ACSF2: variants seen among roughly 807,000 people sequenced by gnomAD.
ACSF2 encodes medium-chain acyl-CoA ligase ACSF2, mitochondrial.
ACSF2 carries 52 observed loss-of-function variants against 79.3 expected under a neutral mutation model. That is an observed-to-expected ratio of 0.66 (90% CI 0.53 to 0.83). The LOEUF is 0.83. Ranked by LOEUF, ACSF2 falls within the 40% of genes least tolerant of loss-of-function variation. The pLI is 0.00. For missense variants in ACSF2, 661 were observed against 803.3 expected (o/e 0.82, Z 2.14); for synonymous variants, 283 against 312.6 (o/e 0.91, Z 1.00).
At chr17:50,444,284 G>A (rs1483607082) in intron 1 of ACSF2, among the ~76,000 whole-genome samples, 1 of 152,162 alleles carries the variant, frequency 6.6e-6, no homozygotes, top group African/African-American at 2.4e-5. Flanking sequence ...TGGGCGCAGT[G>A]GCTCACACCT....
intron 1 of ACSF2, among the ~76,000 whole-genome samples, chr17:50,435,797 T>C (rs1173349548): frequency 1.3e-5 from 2 of 152,124 alleles, no homozygotes; most frequent in East Asian, 1.9e-4. Context: ...GTGAGTTTTT[T>C]TTTTTAGATG....
At position 50,474,069 on chromosome 17, in the gene ACSF2, C is replaced by G. The variant is rs957560051; in HGVS notation, c.1728+65C>G. On this transcript the variant is annotated intron_variant, in intron 14 of 15. Coordinates refer to ENST00000300441, the MANE Select transcript of ACSF2 (RefSeq NM_025149.6). The surrounding 1 kb of genome is among the most constrained non-coding windows in gnomAD (Gnocchi z 4.2). Reference sequence around the variant, plus strand: ...CTTTGCTCACCCACTCCTCTGCCAACCAGCCCAGGGTGGGGATTGCTCTGC... The same window carrying G: ...CTTTGCTCACCCACTCCTCTGCCAAGCAGCCCAGGGTGGGGATTGCTCTGC... 13 of 1,561,832 alleles carry G rather than the reference C, an allele frequency of 8.3e-6. No individual in the cohort carries two copies. The highest frequency in any genetic ancestry group is 1.1e-5 in the Non-Finnish European group (13 of 1,148,546).
intron 1 of ACSF2, among the ~76,000 whole-genome samples, chr17:50,426,686 A>C (rs932880655): frequency 2.0e-5 from 3 of 152,144 alleles, no homozygotes; most frequent in African/African-American, 7.2e-5. Context: ...TTTAAGGAGA[A>C]TATTCCGATG....
chr17:50,450,866 G>C (rs1384966835), intron 1 of ACSF2: 2 of 152,224 alleles, frequency 1.3e-5, no homozygotes, highest in Admixed American at 6.5e-5. Flanking sequence ...TCTGTTGCTG[G>C]ACATTTGGTT....
intron 10 of ACSF2, chr17:50,468,923 C>T (rs1400616738): frequency 5.0e-6 from 7 of 1,406,964 alleles, no homozygotes; most frequent in Non-Finnish European, 5.5e-6. Flanking sequence ...TGGCCCTGAC[C>T]GCAGCCGGCA....
chr17:50,429,575 A>G (rs1166565137), intron 1 of ACSF2, among the ~76,000 whole-genome samples: 1 of 150,848 alleles, frequency 6.6e-6, no homozygotes, highest in African/African-American at 2.5e-5. Flanking sequence ...GCTGGAGTGC[A>G]ATGGCATGAT....
chr17:50,426,352 TG>T lies in ACSF2; in HGVS notation c.93del (p.Trp31CysfsTer70). 1 of 1,423,950 alleles carries T rather than the reference TG, an allele frequency of 7.0e-7. No homozygotes were observed. The highest frequency in any genetic ancestry group is 9.2e-7 in the Non-Finnish European group (1 of 1,082,166). The allele number at this position is 1,423,950 out of a possible 1,614,324, so 88.2% of individuals were successfully genotyped here. A position where few individuals can be genotyped will look rare whatever the true frequency, so the allele number is the denominator to read the frequency against. On this transcript the variant is annotated frameshift_variant, in exon 1 of 16. Transcript: ENST00000300441. LOFTEE classifies it high-confidence loss of function. ...LGARAALSRSWQEARLQGVRF... is the reference protein window; with the variant it reads ...LGARAALSRSXQEARLQGVRF... The stretch of plus-strand genomic sequence containing the variant: ...GGCCCGGGCCGCCCTCTCTCGGAGT[TG>T]GCAGGAAGCCAGGTTGCAGGGTGTC...
At chr17:50,461,557 C>A in intron 3 of ACSF2, 76 bp from the exon 4 acceptor site, 1 of 1,606,826 alleles carries the variant, frequency 6.2e-7, no homozygotes, top group South Asian at 1.1e-5. Flanking sequence ...TGCCTCTATG[C>A]CTCCTGGGGG....
At chr17:50,442,331 T>A in intron 1 of ACSF2, among the ~76,000 whole-genome samples, 1 of 150,858 alleles carries the variant, frequency 6.6e-6, no homozygotes, top group Admixed American at 6.6e-5. Context: ...AACAATTTTT[T>A]TTTTTTTTTT....
intron 9 of ACSF2, 136 bp from the exon 10 acceptor site, chr17:50,464,082 G>A (rs2277630): frequency 1.5e-5 from 19 of 1,231,916 alleles, no homozygotes; most frequent in African/African-American, 3.0e-5. Flanking sequence ...CCAGCCCAGG[G>A]CCAGCTGCCA....
chr17:50,432,754 C>T (rs1346412124), intron 1 of ACSF2, among the ~76,000 whole-genome samples: 1 of 152,162 alleles, frequency 6.6e-6, no homozygotes, highest in Non-Finnish European at 1.5e-5. Flanking sequence ...AAAGCAAATC[C>T]CAGTCCTACC....
Position 50,464,480 on chromosome 17 carries a change from G to A in ACSF2, c.1215+186G>A, listed in dbSNP as rs140186676. The A allele has an allele frequency of 1.1e-3, 755 of 706,416 alleles. 2 individuals are homozygous for A. The African/African-American group carries it at 0.012, about 11-fold the overall frequency. The allele number at this position is 706,416 out of a possible 1,614,324, so 43.8% of individuals were successfully genotyped here. On this transcript the variant is annotated intron_variant, in intron 10 of 15. Coordinates refer to ENST00000300441, the MANE Select transcript of ACSF2 (RefSeq NM_025149.6). ...AGCACCTGGTGGGTGAAGGAGATAGGTGGCAGGGGAGTAAATATAATACAT... is the reference window on the plus strand; with the variant it reads ...AGCACCTGGTGGGTGAAGGAGATAGATGGCAGGGGAGTAAATATAATACAT...
chr17:50,449,512 C>G (rs2031528315), intron 1 of ACSF2, among the ~76,000 whole-genome samples: 2 of 150,500 alleles, frequency 1.3e-5, no homozygotes, highest in Non-Finnish European at 3.0e-5. Context: ...TCTTGCCATT[C>G]TCCTGCCTCA....
chr17:50,472,219 T>C, intron 11 of ACSF2: 2 of 550,788 alleles, frequency 3.6e-6, no homozygotes, highest in Non-Finnish European at 6.2e-6. Context: ...CAGCTCTTCT[T>C]TCATGCCCAG....
intron 1 of ACSF2, among the ~76,000 whole-genome samples, chr17:50,443,925 T>C (rs1329180410): frequency 6.6e-6 from 1 of 152,202 alleles, no homozygotes; most frequent in Non-Finnish European, 1.5e-5. Context: ...ACTGATTGCA[T>C]AAAGCCAGCA....
chr17:50,461,712 C>T, intron 4 of ACSF2, 26 bp downstream of exon 4: 1 of 1,613,696 alleles, frequency 6.2e-7, no homozygotes, highest in Non-Finnish European at 8.5e-7. Flanking sequence ...CGGGGAGGGG[C>T]CCGGCTGGGG....
At position 50,462,293 on chromosome 17, in the gene ACSF2, A is replaced by G; in HGVS notation, c.617A>G (p.Lys206Arg). ...GAGAATGCCCAGCCAGGGGCCTTGAAGAGTCAGAGGTGGGTGTGTCCCAGG... is the reference window on the plus strand; with the variant it reads ...GAGAATGCCCAGCCAGGGGCCTTGAGGAGTCAGAGGTGGGTGTGTCCCAGG... ...EVENAQPGAL[K>R]SQRLPDLTTV... Residue 206 changes from lysine (K) to arginine (R), a missense_variant, in exon 5 of 16, where the codon AAG becomes AGG. By Grantham distance (26) the Lys-to-Arg change is conservative. Coordinates refer to ENST00000300441, the MANE Select transcript of ACSF2 (RefSeq NM_025149.6). 3.7e-6 allele frequency: 6 copies of G among 1,614,006 alleles called. No individual in the cohort carries two copies. Among genetic ancestry groups the G allele is most frequent in the Non-Finnish European group, 5.1e-6 (6 of 1,179,980 alleles).
intron 1 of ACSF2, among the ~76,000 whole-genome samples, chr17:50,442,244 G>T (rs1160218449): frequency 6.6e-6 from 1 of 151,990 alleles, no homozygotes; most frequent in Admixed American, 6.5e-5. Flanking sequence ...GGCAGAGGTT[G>T]CAGTGAGCTG....
chr17:50,463,867 C>T lies in ACSF2; in HGVS notation c.1096C>T (p.Gln366Ter), dbSNP rs890158349. Residue 366 changes from glutamine (Q) to a stop codon, truncating the protein, a stop_gained, in exon 9 of 16, where the codon CAG becomes TAG. Transcript: ENST00000300441. LOFTEE classifies it high-confidence loss of function. The surrounding 1 kb of genome is among the most constrained non-coding windows in gnomAD (Gnocchi z 4.6). ...CACGATGTTCGTGGACATTCTGAAC[C>T]AGCCAGACTTCTCCAGTTATGACAT... ...TPTMFVDILN[Q>*]PDFSSYDIST... The T allele has an allele frequency of 6.2e-7, 1 of 1,614,170 alleles. No individual in the cohort carries two copies. The highest frequency in any genetic ancestry group is 1.7e-5 in the Admixed American group (1 of 60,022).
Sources: allele counts gnomAD v4.1 joint callset (sites outside exome capture counted in the v4.1 genomes callset), GRCh38; gene constraint gnomAD v4.1.1; non-coding constraint Gnocchi (gnomAD v3.1); transcripts MANE v1.5; gene names NCBI Gene and HGNC (gene_info 2026-07-23, HGNC 2026-07-21).